FTCDNL1: variants seen among roughly 807,000 people sequenced by gnomAD.
FTCDNL1 encodes formiminotransferase N-terminal subdomain-containing protein.
A neutral mutation model predicts 5.9 loss-of-function variants in FTCDNL1; 11 were observed. That is an observed-to-expected ratio of 1.87 (90% CI 1.18 to 3.10). FTCDNL1 has a LOEUF of 3.10. FTCDNL1 is among the 30% of genes most tolerant of loss of function. The pLI, the probability that FTCDNL1 is intolerant of heterozygous loss-of-function variation, is 0.00. For missense variants in FTCDNL1, 115 were observed against 65.5 expected, an observed-to-expected ratio of 1.76 and a Z score of -2.61; for synonymous variants, 58 against 24.8, an observed-to-expected ratio of 2.34 and a Z score of -3.99.
At chr2:199,828,920 A>G (rs1702195005) in intron 3 of FTCDNL1, among the ~76,000 whole-genome samples, 1 of 152,222 alleles carries the variant, frequency 6.6e-6, no homozygotes, top group African/African-American at 2.4e-5. Context: ...CAGTGAGAAC[A>G]TATTGTATTC....
At chr2:199,691,176 G>T in the FTCDNL1 span, among the ~76,000 whole-genome samples, 1 of 152,072 alleles carries the variant, frequency 6.6e-6, no homozygotes, top group African/African-American at 2.4e-5. Flanking sequence ...TATTTATTTT[G>T]ATTTTGATTT....
intron 3 of FTCDNL1, among the ~76,000 whole-genome samples, chr2:199,777,510 G>A (rs1448655760): frequency 6.6e-6 from 1 of 152,030 alleles, no homozygotes; most frequent in Non-Finnish European, 1.5e-5. Context: ...ATTGGATGAG[G>A]CCCACCCAAA....
chr2:199,666,120 A>G, the FTCDNL1 span, among the ~76,000 whole-genome samples: 1 of 152,236 alleles, frequency 6.6e-6, no homozygotes, highest in South Asian at 2.1e-4. Context: ...ATAATATAGG[A>G]CCTACTTCAC....
chr2:199,730,428 T>C, the FTCDNL1 span, among the ~76,000 whole-genome samples: 1 of 152,188 alleles, frequency 6.6e-6, no homozygotes, highest in Non-Finnish European at 1.5e-5. Context: ...GAGAAAATTT[T>C]TGCAATCTTT....
intron 3 of FTCDNL1, among the ~76,000 whole-genome samples, chr2:199,798,672 A>G (rs1404513963): frequency 6.6e-6 from 1 of 152,210 alleles, no homozygotes; most frequent in East Asian, 1.9e-4. Flanking sequence ...GTTGACTTTC[A>G]GAACAAGAAA....
At chr2:199,718,624 A>G in the FTCDNL1 span, among the ~76,000 whole-genome samples, 1 of 152,178 alleles carries the variant, frequency 6.6e-6, no homozygotes, top group East Asian at 1.9e-4. Flanking sequence ...AGGAATCTCC[A>G]TATTGTTTGC....
chr2:199,671,301 G>A, the FTCDNL1 span, among the ~76,000 whole-genome samples: 2 of 152,008 alleles, frequency 1.3e-5, no homozygotes, highest in Non-Finnish European at 2.9e-5. Flanking sequence ...TAAATGAGGT[G>A]GTGATCAACT....
At chr2:199,679,976 A>G in the FTCDNL1 span, among the ~76,000 whole-genome samples, 1 of 152,140 alleles carries the variant, frequency 6.6e-6, no homozygotes, top group African/African-American at 2.4e-5. Context: ...AATATATGTT[A>G]GTGTGGTTTT....
At chr2:199,789,544 T>A (rs974639218) in intron 3 of FTCDNL1, among the ~76,000 whole-genome samples, 1 of 152,118 alleles carries the variant, frequency 6.6e-6, no homozygotes, top group African/African-American at 2.4e-5. Context: ...ATCACAACCA[T>A]CTTAATTAAA....
intron 3 of FTCDNL1, among the ~76,000 whole-genome samples, chr2:199,765,556 A>ATATATATATTTTTTT: frequency 1.9e-4 from 8 of 42,628 alleles, no homozygotes; most frequent in Non-Finnish European, 1.9e-4. Context: ...ATATATATAT[A>ATATATATATTTTTTT]TTTTTTTTTT....
chr2:199,790,433 G>A (rs1699864763), intron 3 of FTCDNL1, among the ~76,000 whole-genome samples: 1 of 151,538 alleles, frequency 6.6e-6, no homozygotes, highest in African/African-American at 2.4e-5. Context: ...GGGAGGCGGA[G>A]GTTGCAGTGA....
the FTCDNL1 span, among the ~76,000 whole-genome samples, chr2:199,716,129 G>C: frequency 6.6e-6 from 1 of 150,896 alleles, no homozygotes; most frequent in African/African-American, 2.4e-5. Flanking sequence ...CTGAATAATT[G>C]GCAGTTCTCT....
chr2:199,833,566 A>G (rs140632605), intron 3 of FTCDNL1, among the ~76,000 whole-genome samples: 2 of 152,364 alleles, frequency 1.3e-5, no homozygotes, highest in Admixed American at 6.5e-5. Context: ...GCTGGATAAC[A>G]TATCAGCAAT....
the FTCDNL1 span, among the ~76,000 whole-genome samples, chr2:199,713,230 T>C: frequency 2.6e-5 from 4 of 152,184 alleles, no homozygotes; most frequent in Non-Finnish European, 4.4e-5. Flanking sequence ...TATAAGACTG[T>C]CACCACTAGT....
intron 3 of FTCDNL1, among the ~76,000 whole-genome samples, chr2:199,843,059 T>C (rs2076634519): frequency 6.6e-6 from 1 of 152,164 alleles, no homozygotes; most frequent in Non-Finnish European, 1.5e-5. Flanking sequence ...ATGTACAGTA[T>C]AGGACTGTTT....
chr2:199,690,688 A>G, the FTCDNL1 span, among the ~76,000 whole-genome samples: 1 of 152,114 alleles, frequency 6.6e-6, no homozygotes, highest in South Asian at 2.1e-4. Context: ...CCAATTCCCT[A>G]AGAAATTGAG....
intron 3 of FTCDNL1, 150 bp from the exon 4 acceptor site, chr2:199,819,907 G>A: frequency 1.7e-6 from 1 of 597,896 alleles, no homozygotes; most frequent in South Asian, 2.0e-5. Context: ...GTGGCATGAA[G>A]TTGCACACTG....
chr2:199,798,777 C>T (rs560502537), intron 3 of FTCDNL1, among the ~76,000 whole-genome samples: 67 of 152,320 alleles, frequency 4.4e-4, no homozygotes, highest in South Asian at 2.7e-3. Flanking sequence ...ATTGCTTACA[C>T]GTCAACTACT....
chr2:199,743,387 T>C, the FTCDNL1 span, among the ~76,000 whole-genome samples: 1 of 152,262 alleles, frequency 6.6e-6, no homozygotes, highest in Non-Finnish European at 1.5e-5. Context: ...TATATTCTCT[T>C]GTATTCTTTT....
Sources: allele counts gnomAD v4.1 joint callset (sites outside exome capture counted in the v4.1 genomes callset), GRCh38; gene constraint gnomAD v4.1.1; transcripts MANE v1.5; gene names NCBI Gene and HGNC (gene_info 2026-07-23, HGNC 2026-07-21).